LRRTM4: variants seen among roughly 807,000 people sequenced by gnomAD.
LRRTM4 encodes the protein leucine rich repeat transmembrane neuronal 4, also known as leucine-rich repeat transmembrane neuronal protein 4.
A neutral mutation model predicts 47.6 loss-of-function variants in LRRTM4; 25 were observed. That is an observed-to-expected ratio of 0.53 (90% confidence interval 0.38 to 0.73). The LOEUF (loss-of-function observed/expected upper bound fraction) is 0.73, where lower values mean the gene tolerates loss of function less well. Ranked by LOEUF, LRRTM4 falls within the 30% of genes least tolerant of loss-of-function variation. The pLI is 0.00. For synonymous variants in LRRTM4, 311 were observed against 269.5 expected, an observed-to-expected ratio of 1.15 and a Z score of -1.51; for missense variants, 638 against 713.4, an observed-to-expected ratio of 0.89 and a Z score of 1.20.
chr2:77,151,877 T>C (rs1051429320), intron 3 of LRRTM4, among the ~76,000 whole-genome samples: 8 of 152,224 alleles, frequency 5.3e-5, no homozygotes, highest in African/African-American at 1.9e-4. Flanking sequence ...TCATGTCCTT[T>C]AGTATGTATC....
At chr2:76,791,679 T>C (rs893263975) in intron 3 of LRRTM4, among the ~76,000 whole-genome samples, 3 of 152,332 alleles carry the variant, frequency 2.0e-5, no homozygotes, top group Non-Finnish European at 2.9e-5. Context: ...TCAGTACTTA[T>C]TATAACCTCA....
intron 3 of LRRTM4, among the ~76,000 whole-genome samples, chr2:77,348,006 C>T (rs1671630302): frequency 6.8e-6 from 1 of 147,774 alleles, no homozygotes; most frequent in Admixed American, 7.0e-5. Flanking sequence ...AAAAACCAAA[C>T]AATTAACAAA....
chr2:77,121,677 T>C (rs1346748790), intron 3 of LRRTM4, among the ~76,000 whole-genome samples: 3 of 151,856 alleles, frequency 2.0e-5, no homozygotes, highest in African/African-American at 7.2e-5. Context: ...GGATTCAGAA[T>C]GGCTAACTGG....
chr2:77,480,816 GTGTGTGGAGAGAGAGAGAGAGA>G (rs1237986297), intron 3 of LRRTM4, among the ~76,000 whole-genome samples: 1 of 124,472 alleles, frequency 8.0e-6, no homozygotes. Context: ...GTGTGTGTGT[GTGTGTGGAGAGAGAGAGAGAGA>G]GAGAGAGAGA....
chr2:77,025,767 C>A (rs13414012), intron 3 of LRRTM4, among the ~76,000 whole-genome samples: 10,850 of 152,138 alleles, frequency 0.071, 921 homozygotes, highest in African/African-American at 0.19. Flanking sequence ...CACATCCACT[C>A]CACCCTACTG....
intron 3 of LRRTM4, chr2:77,008,962 A>AC (rs397831194): frequency 1.3e-5 from 2 of 151,258 alleles, no homozygotes; most frequent in African/African-American, 2.4e-5. Flanking sequence ...GAAAAAAAAA[A>AC]CGATGAAATG....
chr2:77,377,048 T>C, intron 3 of LRRTM4, among the ~76,000 whole-genome samples: 1 of 152,000 alleles, frequency 6.6e-6, no homozygotes, highest in East Asian at 1.9e-4. Flanking sequence ...GATGATATAA[T>C]ATCATGTTAT....
intron 3 of LRRTM4, among the ~76,000 whole-genome samples, chr2:77,113,019 C>G (rs979032603): frequency 2.0e-5 from 3 of 152,076 alleles, no homozygotes; most frequent in African/African-American, 7.2e-5. Context: ...TTCATTGTGA[C>G]CTTGTTTAAC....
intron 3 of LRRTM4, among the ~76,000 whole-genome samples, chr2:77,012,150 A>G (rs1384251120): frequency 6.6e-6 from 1 of 152,112 alleles, no homozygotes; most frequent in African/African-American, 2.4e-5. Flanking sequence ...AATGTAGTTT[A>G]ATTTTAATTA....
At chr2:77,202,451 G>A (rs866512795) in intron 3 of LRRTM4, among the ~76,000 whole-genome samples, 27 of 151,902 alleles carry the variant, frequency 1.8e-4, no homozygotes, top group Non-Finnish European at 5.9e-5. Context: ...AATACTACAC[G>A]CTTTAACGTA....
rs1030659950 is a variant in LRRTM4 at position 77,308,296 on chromosome 2, C to A, written c.1551+210022G>T. Among the ~76,000 whole-genome samples, 3 of 151,376 alleles carry A rather than the reference C, an allele frequency of 2.0e-5. No homozygotes were observed. The South Asian group carries it at 6.3e-4, about 32-fold the overall frequency. On this transcript the variant is annotated intron_variant, in intron 3 of 3. Transcript: ENST00000409884. ...CCAAATGGTAAAGACTAACACAACA[C>A]AAAAATTGAAAGATACTAATACCTT...
chr2:77,375,715 C>T (rs1207724013), intron 3 of LRRTM4, among the ~76,000 whole-genome samples: 1 of 151,710 alleles, frequency 6.6e-6, no homozygotes, highest in Non-Finnish European at 1.5e-5. Flanking sequence ...CCTATAACAT[C>T]CAGCATAATG....
intron 3 of LRRTM4, among the ~76,000 whole-genome samples, chr2:76,749,570 C>T (rs1672777494): frequency 6.6e-6 from 1 of 152,032 alleles, no homozygotes; most frequent in African/African-American, 2.4e-5. Context: ...TGGGAGAAGG[C>T]ACATCTTTAT....
At chr2:77,035,754 C>T (rs962425052) in intron 3 of LRRTM4, among the ~76,000 whole-genome samples, 3 of 151,734 alleles carry the variant, frequency 2.0e-5, no homozygotes, top group Admixed American at 6.6e-5. Context: ...TATGAGTGCA[C>T]CACAATTTGT....
intron 3 of LRRTM4, among the ~76,000 whole-genome samples, chr2:77,268,238 T>C (rs1280289227): frequency 1.3e-5 from 2 of 152,108 alleles, no homozygotes; most frequent in Non-Finnish European, 2.9e-5. Context: ...ATATCTTCAA[T>C]ACCCATCGTA....
intron 3 of LRRTM4, among the ~76,000 whole-genome samples, chr2:77,330,698 TC>T (rs1158401151): frequency 6.6e-6 from 1 of 152,176 alleles, no homozygotes; most frequent in African/African-American, 2.4e-5. Context: ...ATTGCTGTCT[TC>T]AGCTATTTGG....
At chr2:77,406,768 T>G (rs1448999788) in intron 3 of LRRTM4, among the ~76,000 whole-genome samples, 1 of 152,136 alleles carries the variant, frequency 6.6e-6, no homozygotes, top group African/African-American at 2.4e-5. Context: ...TTACTTTCAT[T>G]TAATATAAAG....
chr2:77,400,959 C>T (rs137886949), intron 3 of LRRTM4, among the ~76,000 whole-genome samples: 3 of 152,004 alleles, frequency 2.0e-5, no homozygotes, highest in Non-Finnish European at 4.4e-5. Context: ...CAAACTTCAG[C>T]GTCTATAAGT....
intron 3 of LRRTM4, among the ~76,000 whole-genome samples, chr2:77,495,477 G>T (rs1678326562): frequency 6.6e-6 from 1 of 151,894 alleles, no homozygotes; most frequent in Non-Finnish European, 1.5e-5. Context: ...CCTAACGTAA[G>T]GTCACCATTA....
Sources: allele counts gnomAD v4.1 joint callset (sites outside exome capture counted in the v4.1 genomes callset), GRCh38; gene constraint gnomAD v4.1.1; transcripts MANE v1.5; gene names NCBI Gene and HGNC (gene_info 2026-07-23, HGNC 2026-07-21).